The following DHRS2 variants were observed in gnomAD, a reference collection of about 807,000 sequenced individuals.
DHRS2 encodes dehydrogenase/reductase SDR family member 2, mitochondrial.
In DHRS2, 29 loss-of-function variants were observed where a neutral mutation model predicts 26.3. The ratio of observed to expected loss-of-function variants is 1.10; its 90% CI spans 0.82 to 1.50. DHRS2 has a LOEUF of 1.50. Ranked by LOEUF, DHRS2 falls within the 40% of genes most tolerant of loss-of-function variation. DHRS2 has a pLI of 0.00. For missense variants in DHRS2, 439 were observed against 367.1 expected, an observed-to-expected ratio of 1.20 and a Z score of -1.60; for synonymous variants, 164 against 151.3, an observed-to-expected ratio of 1.08 and a Z score of -0.62.
rs1286100536 is a variant in DHRS2, at chr14:23,644,855, A to C, written c.704A>C (p.Asn235Thr). 4 of 1,614,178 alleles carry C rather than the reference A, an allele frequency of 2.5e-6. No individual in the cohort carries two copies. Among genetic ancestry groups the C allele is most frequent in the Middle Eastern group, 1.6e-4 (1 of 6,062 alleles). The change falls in exon 8 of 9, where the codon AAC becomes ACC. Residue 235 changes from asparagine (N) to threonine (T), a missense_variant. Coordinates refer to ENST00000250383, the MANE Select transcript of DHRS2 (RefSeq NM_005794.4). ...CATGGGAATGAGTCTCTCTGGAAGA[A>C]CTTCAAGGAACATCATCAGCTGCAG... ...VFHGNESLWK[N>T]FKEHHQLQRI...
chr14:23,639,493 T>A, intron 3 of DHRS2, 137 bp downstream of exon 3: 3 of 1,278,676 alleles, frequency 2.3e-6, no homozygotes, highest in Non-Finnish European at 2.1e-6. Flanking sequence ...CTAACCTCGC[T>A]ACCCAGAAGG....
rs1237940080 is a variant in DHRS2, at chr14:23,639,870, G to A, written c.395G>A (p.Gly132Glu). 6.2e-7 allele frequency: 1 copy of A among 1,608,156 alleles called. No individual in the cohort carries two copies. Among genetic ancestry groups the A allele is most frequent in the Admixed American group, 1.7e-5 (1 of 59,438 alleles). ...AACCCTCTGGTAGGGAGCACTCTGG[G>A]GACCAGTGAGCAGATCTGGGACAAG... The part of the protein sequence containing the change: ...GVNPLVGSTL[G>E]TSEQIWDKIL... The change falls in exon 4 of 9, where the codon GGG becomes GAG. Residue 132 changes from glycine (G) to glutamate (E), a missense_variant. Physicochemically the swap from Gly to Glu is moderately conservative, Grantham distance 98 (BLOSUM62 -2). Coordinates refer to ENST00000250383, the MANE Select transcript of DHRS2 (RefSeq NM_005794.4).
intron 4 of DHRS2, chr14:23,640,099 C>G: frequency 1.4e-6 from 1 of 696,398 alleles, no homozygotes. Flanking sequence ...AAATCTGGCC[C>G]CCACACTTTC....
intron 4 of DHRS2, chr14:23,641,581 G>A (rs553798968): frequency 1.9e-5 from 25 of 1,284,782 alleles, no homozygotes; most frequent in Non-Finnish European, 2.4e-5. Flanking sequence ...ATGGAGTATT[G>A]GACAGATATC....
chr14:23,637,257 CTCTTATAAGAA>C (rs1890357236), intron 1 of DHRS2, among the ~76,000 whole-genome samples: 1 of 152,332 alleles, frequency 6.6e-6, no homozygotes, highest in East Asian at 1.9e-4. Context: ...TTTCTAATTT[CTCTTATAAGAA>C]TGATTTCTAG....
chr14:23,645,600 A>G lies in DHRS2; in HGVS notation c.*347A>G. On this transcript the variant is annotated 3_prime_UTR_variant, in exon 9 of 9. Transcript: ENST00000250383. ...CCTCCTCTCTGTAATTTGTGCTTTA[A>G]GCATTTTTTTTCCTAAAATAAACTC... The G allele has an allele frequency of 3.0e-6, 1 of 329,916 alleles. No individual in the cohort carries two copies. Among genetic ancestry groups the G allele is most frequent in the Non-Finnish European group, 5.6e-6 (1 of 180,142 alleles). The allele number at this position is 329,916 out of a possible 1,614,324, so 20.4% of individuals were successfully genotyped here. A position where few individuals can be genotyped will look rare whatever the true frequency, so the allele number is the denominator to read the frequency against.
chr14:23,644,701 C>A, intron 7 of DHRS2, 126 bp from the exon 8 acceptor site: 1 of 1,485,088 alleles, frequency 6.7e-7, no homozygotes, highest in East Asian at 2.3e-5. Context: ...TCCATCCATC[C>A]TGAAAAGATG....
chr14:23,637,746 A>G (rs759247577), intron 1 of DHRS2, among the ~76,000 whole-genome samples: 2 of 152,120 alleles, frequency 1.3e-5, no homozygotes, highest in African/African-American at 2.4e-5. Context: ...GACTTGGAGA[A>G]CTTTTGTGTC....
Position 23,645,245 on chromosome 14 carries a change from C to T in DHRS2, c.835C>T (p.Arg279Trp), listed in dbSNP as rs61743862. ...CATTGCGGTGGCAGGCTACTCCACT[C>T]GGCTCTGAGAGGAGTGGGGGCGGCT... ...ENIAVAGYST[R>W]L Residue 279 changes from arginine (R) to tryptophan (W), a missense_variant, in exon 9 of 9, where the codon CGG (arginine) becomes TGG (tryptophan). Coordinates refer to ENST00000250383, the MANE Select transcript of DHRS2 (RefSeq NM_005794.4). The T allele has an allele frequency of 3.0e-5, 48 of 1,613,984 alleles. No homozygotes were observed. The highest frequency in any genetic ancestry group is 8.9e-5 in the East Asian group (4 of 44,874).
rs1385872668 is a variant in DHRS2 at position 23,645,260 on chromosome 14, T to C, written c.*7T>C. 1 of 1,612,626 alleles carries C rather than the reference T, an allele frequency of 6.2e-7. No individual in the cohort carries two copies. The highest frequency in any genetic ancestry group is 2.2e-5 in the East Asian group (1 of 44,838). ...CTACTCCACTCGGCTCTGAGAGGAG[T>C]GGGGGCGGCTGCGTAGCTGTGGTCC... On this transcript the variant is annotated 3_prime_UTR_variant, in exon 9 of 9. Transcript: ENST00000250383.
At chr14:23,636,838 A>T (rs992768242) in intron 1 of DHRS2, 66 bp downstream of exon 1, 4 of 152,200 alleles carry the variant, frequency 2.6e-5, no homozygotes, top group African/African-American at 9.7e-5. Context: ...TCGGTGGCTA[A>T]ATTCTGGGCA....
chr14:23,638,747 G>A (rs1204261392), intron 1 of DHRS2, 80 bp from the exon 2 acceptor site: 3 of 1,431,224 alleles, frequency 2.1e-6, no homozygotes, highest in African/African-American at 2.8e-5. Flanking sequence ...GGCCTTGTCT[G>A]TCTGGAGGAA....
chr14:23,633,934 C>T (rs1447412227), upstream of DHRS2, among the ~76,000 whole-genome samples: 1 of 152,008 alleles, frequency 6.6e-6, no homozygotes, highest in African/African-American at 2.4e-5. Context: ...TGAATTATAA[C>T]ACATACGTAA....
Position 23,645,583 on chromosome 14 carries a change from C to A in DHRS2, c.*330C>A, listed in dbSNP as rs1007264834. ...TTTGAAGGATTTCAGCTCCTCCTCT[C>A]TGTAATTTGTGCTTTAAGCATTTTT... On this transcript the variant is annotated 3_prime_UTR_variant, in exon 9 of 9. Coordinates refer to ENST00000250383, the MANE Select transcript of DHRS2 (RefSeq NM_005794.4). 1.0e-4 allele frequency: 39 copies of A among 385,608 alleles called. No individual in the cohort carries two copies. The highest frequency in any genetic ancestry group is 4.1e-5 in the Admixed American group (1 of 24,516). 23.9% of individuals were successfully genotyped at this position (385,608 alleles called of 1,614,324 possible). A position where few individuals can be genotyped will look rare whatever the true frequency, so the allele number is the denominator to read the frequency against.
intron 1 of DHRS2, chr14:23,637,946 G>A (rs191095048): frequency 2.6e-5 from 4 of 152,336 alleles, no homozygotes; most frequent in African/African-American, 4.8e-5. Flanking sequence ...CAGGCCACCC[G>A]AGCCAGCAGC....
At chr14:23,643,336 C>A in intron 5 of DHRS2, 117 bp downstream of exon 5, 1 of 887,634 alleles carries the variant, frequency 1.1e-6, no homozygotes, top group Non-Finnish European at 1.8e-6. Flanking sequence ...GGGATCTCCA[C>A]ATCCCTCATC....
rs900659948 is a variant in DHRS2 at position 23,642,139 on chromosome 14, A to G, written c.421-1013A>G. 4 of 1,032,302 alleles carry G rather than the reference A, an allele frequency of 3.9e-6. No homozygotes were observed. In the African/African-American group the frequency reaches 6.8e-5, roughly 18 times the overall value. The allele number at this position is 1,032,302 out of a possible 1,614,324, so 63.9% of individuals were successfully genotyped here. The stretch of plus-strand genomic sequence containing the variant: ...TCAGCATAGACATCTAGCTCCCAGC[A>G]TGGCAATTCTCTGTTGTGTCTCCCT... On this transcript the variant is annotated intron_variant, in intron 4 of 8. Transcript: ENST00000250383.
chr14:23,636,525 G>A lies in DHRS2; in HGVS notation c.-286G>A, dbSNP rs564421499. The A allele has an allele frequency of 5.3e-5, 8 of 152,314 alleles. No homozygotes were observed. The highest frequency in any genetic ancestry group is 1.9e-4 in the East Asian group (1 of 5,178). 9.4% of individuals were successfully genotyped at this position (152,314 alleles called of 1,614,324 possible). The stretch of plus-strand genomic sequence containing the variant: ...TCACTCCTGGGGCCAGCAAGACCAC[G>A]AATGCACCGAGAGGAATGAACAACT... On this transcript the variant is annotated 5_prime_UTR_variant, in exon 1 of 9. Coordinates refer to ENST00000250383, the MANE Select transcript of DHRS2 (RefSeq NM_005794.4).
Position 23,639,290 on chromosome 14 carries a change from G to A in DHRS2, c.252G>A (p.Gly84=), listed in dbSNP as rs1353946678. 2 of 1,604,500 alleles carry A rather than the reference G, an allele frequency of 1.2e-6. No individual in the cohort carries two copies. The highest frequency in any genetic ancestry group is 1.1e-5 in the South Asian group (1 of 89,188). ...DRAMAKLQGE[G]LSVAGIVCHV... Reference sequence around the variant, plus strand: ...CCATGGCCAAGCTGCAGGGGGAGGGGCTGAGTGTGGCGGGCATTGTGTGCC... The same window carrying A: ...CCATGGCCAAGCTGCAGGGGGAGGGACTGAGTGTGGCGGGCATTGTGTGCC... The change falls in exon 3 of 9, where the codon GGG becomes GGA. Residue 84 remains glycine (G), a synonymous_variant. Coordinates refer to ENST00000250383, the MANE Select transcript of DHRS2 (RefSeq NM_005794.4).
Sources: allele counts gnomAD v4.1 joint callset (sites outside exome capture counted in the v4.1 genomes callset), GRCh38; gene constraint gnomAD v4.1.1; transcripts MANE v1.5; gene names NCBI Gene and HGNC (gene_info 2026-07-23, HGNC 2026-07-21).